DNAJB6: variants seen among roughly 807,000 people sequenced by gnomAD.
DNAJB6 encodes DnaJ heat shock protein family (Hsp40) member B6.
A neutral mutation model predicts 42.7 loss-of-function variants in DNAJB6; 16 were observed. That is an observed-to-expected ratio of 0.37 (90% CI 0.25 to 0.57). The LOEUF (loss-of-function observed/expected upper bound fraction) is 0.57, where lower values mean the gene tolerates loss of function less well. Among genes scored for constraint, DNAJB6 ranks in the 20% least tolerant of loss-of-function variants. DNAJB6 has a pLI of 0.74. For missense variants in DNAJB6, 347 were observed against 416.8 expected, an observed-to-expected ratio of 0.83 and a Z score of 1.46; for synonymous variants, 170 against 163.5, an observed-to-expected ratio of 1.04 and a Z score of -0.30.
intron 5 of DNAJB6, chr7:157,378,349 A>T (rs190079171): frequency 3.9e-5 from 6 of 152,394 alleles, no homozygotes; most frequent in Admixed American, 2.6e-4. Context: ...TCCAAAAGTA[A>T]TAATACATGC....
At chr7:157,358,745 C>A in intron 2 of DNAJB6, 108 bp downstream of exon 2, 1 of 851,406 alleles carries the variant, frequency 1.2e-6, no homozygotes, top group Non-Finnish European at 1.9e-6. Flanking sequence ...TGTAGTATAC[C>A]AGTCTTTGAA....
chr7:157,371,886 T>G lies in DNAJB6; in HGVS notation c.346+4403T>G, dbSNP rs1800227069. On this transcript the variant is annotated intron_variant, in intron 5 of 9. Coordinates refer to ENST00000262177, the MANE Select transcript of DNAJB6 (RefSeq NM_058246.4). ...AGCCTGTGGGTTTAACTTCACATTT[T>G]ATTTATATTCTTGGAAAACCAAAGC... Among the ~76,000 whole-genome samples the G allele has an allele frequency of 1.3e-5, 2 of 152,222 alleles. 1 individual carries two copies. The highest frequency in any genetic ancestry group is 1.3e-4 in the Admixed American group (2 of 15,282).
chr7:157,363,736 G>C (rs1390242499), intron 3 of DNAJB6, among the ~76,000 whole-genome samples: 1 of 152,166 alleles, frequency 6.6e-6, no homozygotes, highest in East Asian at 1.9e-4. Context: ...CTAAAATTTA[G>C]ATTTCCAGTT....
chr7:157,415,864 G>T, intron 9 of DNAJB6, 152 bp from the exon 10 acceptor site: 2 of 1,393,650 alleles, frequency 1.4e-6, no homozygotes, highest in South Asian at 1.3e-5. Flanking sequence ...CTTGGAAAGC[G>T]CCCGTTTTGA....
intron 9 of DNAJB6, chr7:157,412,412 C>T (rs1796005684): frequency 6.6e-6 from 1 of 152,226 alleles, no homozygotes; most frequent in South Asian, 2.1e-4. Flanking sequence ...CAGAGAAGGG[C>T]ACGTGCTAGT....
chr7:157,416,216 G>T lies in DNAJB6; in HGVS notation c.*118G>T. 6.8e-7 allele frequency: 1 copy of T among 1,465,142 alleles called. No individual in the cohort carries two copies. The highest frequency in any genetic ancestry group is 9.3e-7 in the Non-Finnish European group (1 of 1,080,762). The allele number at this position is 1,465,142 out of a possible 1,614,324, so 90.8% of individuals were successfully genotyped here. On this transcript the variant is annotated 3_prime_UTR_variant, in exon 10 of 10. Transcript: ENST00000262177. ...TCAGGACTGTCTCGAGGCCACACTC[G>T]CTCGGCAGGATTATGCGATCACGGA...
At chr7:157,384,388 T>A (rs1301608281) in intron 6 of DNAJB6, among the ~76,000 whole-genome samples, 1 of 152,228 alleles carries the variant, frequency 6.6e-6, no homozygotes, top group Non-Finnish European at 1.5e-5. Context: ...GGTCACTCTG[T>A]TCCTGTGGGG....
intron 1 of DNAJB6, among the ~76,000 whole-genome samples, chr7:157,341,731 T>C (rs1798395994): frequency 6.6e-6 from 1 of 152,200 alleles, no homozygotes; most frequent in Non-Finnish European, 1.5e-5. Flanking sequence ...ACAGAGTGCT[T>C]AGAAAGTATT....
intron 8 of DNAJB6, among the ~76,000 whole-genome samples, chr7:157,394,054 ATATCT>A (rs1801473340): frequency 1.3e-5 from 2 of 152,114 alleles, no homozygotes; most frequent in African/African-American, 4.8e-5. Context: ...TACCTTTCTC[ATATCT>A]TATTATTATC....
intron 4 of DNAJB6, among the ~76,000 whole-genome samples, chr7:157,366,940 C>T (rs1179724504): frequency 2.0e-5 from 3 of 152,202 alleles, no homozygotes; most frequent in African/African-American, 7.2e-5. Flanking sequence ...TTCCCACGGT[C>T]ACTGGGCTGT....
chr7:157,351,982 G>A (rs1799005523), intron 1 of DNAJB6, among the ~76,000 whole-genome samples: 1 of 152,012 alleles, frequency 6.6e-6, no homozygotes, highest in Non-Finnish European at 1.5e-5. Context: ...GCGTCAGAGA[G>A]CGAGACACTA....
intron 8 of DNAJB6, among the ~76,000 whole-genome samples, chr7:157,401,800 CCT>C: frequency 6.6e-6 from 1 of 152,310 alleles, no homozygotes; most frequent in Admixed American, 6.5e-5. Flanking sequence ...GTGAGTGTGC[CCT>C]GACCTCTGCA....
intron 2 of DNAJB6, among the ~76,000 whole-genome samples, chr7:157,361,849 A>C (rs56160067): frequency 0.41 from 62,041 of 152,002 alleles, 14,122 homozygotes; most frequent in Middle Eastern, 0.56. Context: ...GCTCACTGCA[A>C]CCTCTTTCTC....
intron 5 of DNAJB6, chr7:157,378,245 A>AG (rs1197365210): frequency 1.3e-5 from 2 of 152,176 alleles, no homozygotes; most frequent in East Asian, 3.9e-4. Flanking sequence ...CTTTCTGGTG[A>AG]GGTAAAGTAA....
rs115890202 is a variant in DNAJB6, at chr7:157,350,172, G to T, written c.-26-8375G>T. 4.2e-3 allele frequency among the ~76,000 whole-genome samples: 643 copies of T among 152,212 alleles called. 5 individuals are homozygous for T. The highest frequency in any genetic ancestry group is 0.015 in the African/African-American group (613 of 41,522). On this transcript the variant is annotated intron_variant, in intron 1 of 9. Transcript: ENST00000262177. ...GCTGTGGGTCTTGTTATCTTTTGTT[G>T]GTGGCAATTGGACTGTCCCTGGAGT...
intron 7 of DNAJB6, 93 bp from the exon 8 acceptor site, chr7:157,385,448 G>T: frequency 7.7e-7 from 1 of 1,298,476 alleles, no homozygotes; most frequent in Non-Finnish European, 1.1e-6. Context: ...TATATTCATG[G>T]TGTATTTCAG....
At chr7:157,366,689 T>A in intron 4 of DNAJB6, 128 bp downstream of exon 4, 1 of 794,004 alleles carries the variant, frequency 1.3e-6, no homozygotes, top group Non-Finnish European at 2.1e-6. Flanking sequence ...GAAAGCGAAC[T>A]AAATTGGGGA....
At chr7:157,358,282 C>T (rs940695297) in intron 1 of DNAJB6, among the ~76,000 whole-genome samples, 1 of 152,132 alleles carries the variant, frequency 6.6e-6, no homozygotes, top group South Asian at 2.1e-4. Flanking sequence ...CTAGAGTCAC[C>T]TGTTGTTTAG....
chr7:157,340,344 G>T (rs1486948008), intron 1 of DNAJB6, among the ~76,000 whole-genome samples: 1 of 152,174 alleles, frequency 6.6e-6, no homozygotes, highest in Non-Finnish European at 1.5e-5. Flanking sequence ...GTAAGAGTAG[G>T]ATCAGTGGCA....
Sources: allele counts gnomAD v4.1 joint callset (sites outside exome capture counted in the v4.1 genomes callset), GRCh38; gene constraint gnomAD v4.1.1; transcripts MANE v1.5; gene names NCBI Gene and HGNC (gene_info 2026-07-23, HGNC 2026-07-21).